PTPRN2: variants seen among roughly 807,000 people sequenced by gnomAD.
PTPRN2 encodes protein tyrosine phosphatase receptor type N2, also known as receptor-type tyrosine-protein phosphatase N2.
In PTPRN2, 74 loss-of-function variants were observed where a neutral mutation model predicts 118.8. That is an observed-to-expected ratio of 0.62 (90% CI 0.52 to 0.76). The LOEUF is 0.76. PTPRN2 is among the 30% of genes least tolerant of loss of function. PTPRN2 has a pLI of 0.00. For missense variants in PTPRN2, 1,481 were observed against 1,394.4 expected, an observed-to-expected ratio of 1.06 and a Z score of -0.99; for synonymous variants, 641 against 608.0, an observed-to-expected ratio of 1.05 and a Z score of -0.80.
At chr7:158,229,949 C>A (rs1554586057) in intron 3 of PTPRN2, among the ~76,000 whole-genome samples, 1 of 151,062 alleles carries the variant, frequency 6.6e-6, no homozygotes, top group Non-Finnish European at 1.5e-5. Context: ...ATATAATAAT[C>A]AAACTCTCAA....
At chr7:157,994,209 G>A (rs535899728) in intron 11 of PTPRN2, among the ~76,000 whole-genome samples, 13 of 152,196 alleles carry the variant, frequency 8.5e-5, no homozygotes, top group Non-Finnish European at 1.8e-4. Flanking sequence ...ATGCAGGTCA[G>A]GGCAGGTGAC....
chr7:158,575,414 T>A (rs1281358027), intron 1 of PTPRN2, among the ~76,000 whole-genome samples: 1 of 152,226 alleles, frequency 6.6e-6, no homozygotes, highest in African/African-American at 2.4e-5. Context: ...CCCCATAAGA[T>A]GGGTTTTACT....
At chr7:158,114,647 G>A (rs1441851894) in intron 9 of PTPRN2, among the ~76,000 whole-genome samples, 3 of 152,154 alleles carry the variant, frequency 2.0e-5, no homozygotes, top group Non-Finnish European at 4.4e-5. Flanking sequence ...AGGAACAACG[G>A]TAAAGAATAT....
Position 157,682,616 on chromosome 7 carries a change from G to A in PTPRN2, c.2001+109C>T, listed in dbSNP as rs181455282. The A allele has an allele frequency of 8.8e-5, 102 of 1,164,522 alleles. 1 individual carries two copies. In the African/African-American group the frequency reaches 1.2e-3, roughly 13 times the overall value. The allele number at this position is 1,164,522 out of a possible 1,614,324, so 72.1% of individuals were successfully genotyped here. On this transcript the variant is annotated intron_variant, in intron 13 of 22. Coordinates refer to ENST00000389418, the MANE Select transcript of PTPRN2 (RefSeq NM_002847.5). The stretch of plus-strand genomic sequence containing the variant: ...GTCCTCATAAAAGACCCCAAACTAT[G>A]ATACAGGAACAACTGCTGGGAATGG...
chr7:157,693,482 T>G (rs1430690796), intron 12 of PTPRN2, among the ~76,000 whole-genome samples: 1 of 152,094 alleles, frequency 6.6e-6, no homozygotes, highest in African/African-American at 2.4e-5. Flanking sequence ...CATTGGGGCA[T>G]CCTGCCCTCG....
rs976376097 is a variant in PTPRN2 at position 158,570,443 on chromosome 7, T to G, written c.112+17115A>C. Among the ~76,000 whole-genome samples the G allele has an allele frequency of 2.6e-5, 4 of 152,066 alleles. No individual in the cohort carries two copies. The highest frequency in any genetic ancestry group is 9.7e-5 in the African/African-American group (4 of 41,414). On this transcript the variant is annotated intron_variant, in intron 1 of 22. Transcript: ENST00000389418. This position sits in a 1 kb window ranked among gnomAD's most constrained non-coding sequence, Gnocchi z 4.5. The stretch of plus-strand genomic sequence containing the variant: ...CTCCAGCACCCTCTCCCACCATCCA[T>G]CCTCACAGACGGACTCTGCACCGTG...
intron 2 of PTPRN2, among the ~76,000 whole-genome samples, chr7:158,384,425 C>T (rs565780249): frequency 1.1e-3 from 165 of 150,940 alleles, no homozygotes; most frequent in Non-Finnish European, 1.8e-3. Flanking sequence ...AGGTTTTTCC[C>T]GCTGATCTCA....
chr7:158,164,790 G>A (rs1224069902), intron 6 of PTPRN2, among the ~76,000 whole-genome samples: 2 of 152,208 alleles, frequency 1.3e-5, no homozygotes, highest in Non-Finnish European at 2.9e-5. Flanking sequence ...ACTAGAAGGA[G>A]TATAGAGGTG....
intron 3 of PTPRN2, among the ~76,000 whole-genome samples, chr7:158,261,166 G>A (rs1797373368): frequency 6.6e-6 from 1 of 152,160 alleles, no homozygotes; most frequent in Non-Finnish European, 1.5e-5. Context: ...CCAGGACATG[G>A]TGGAAGGTGG....
At chr7:158,215,805 G>A (rs1268899716) in intron 3 of PTPRN2, among the ~76,000 whole-genome samples, 1 of 152,118 alleles carries the variant, frequency 6.6e-6, no homozygotes, top group Non-Finnish European at 1.5e-5. Context: ...GAATCAGGGG[G>A]AAATAAAGAT....
intron 11 of PTPRN2, among the ~76,000 whole-genome samples, chr7:157,914,465 C>T (rs868095006): frequency 1.3e-4 from 20 of 152,250 alleles, no homozygotes; most frequent in East Asian, 3.9e-4. Flanking sequence ...ACTTATGAAT[C>T]GTAGGTAATA....
intron 21 of PTPRN2, among the ~76,000 whole-genome samples, chr7:157,556,086 A>T (rs1486157366): frequency 6.6e-6 from 1 of 152,040 alleles, no homozygotes; most frequent in Non-Finnish European, 1.5e-5. Flanking sequence ...GCAGAGCAAA[A>T]CTCGGCTCAA....
intron 2 of PTPRN2, among the ~76,000 whole-genome samples, chr7:158,378,321 G>A (rs140114438): frequency 0.067 from 10,251 of 152,188 alleles, 437 homozygotes; most frequent in African/African-American, 0.099. Flanking sequence ...TGCAAGCCCC[G>A]CCTGCTGCCC....
intron 2 of PTPRN2, among the ~76,000 whole-genome samples, chr7:158,484,425 T>C (rs1226750250): frequency 6.6e-6 from 1 of 152,226 alleles, no homozygotes; most frequent in Non-Finnish European, 1.5e-5. Context: ...TGCAATGGTG[T>C]GAACTCGGCT....
chr7:157,545,766 G>A (rs757281734), intron 22 of PTPRN2, among the ~76,000 whole-genome samples: 4 of 152,052 alleles, frequency 2.6e-5, no homozygotes, highest in Admixed American at 2.0e-4. Context: ...CAGGGCCTGC[G>A]GTCATCCTGG....
intron 2 of PTPRN2, among the ~76,000 whole-genome samples, chr7:158,388,337 C>A (rs552303100): frequency 1.6e-4 from 25 of 152,316 alleles, no homozygotes; most frequent in African/African-American, 4.6e-4. Context: ...CCATGAGGGC[C>A]AGTGCAGATG....
At chr7:157,593,965 C>T (rs773747397) in intron 17 of PTPRN2, among the ~76,000 whole-genome samples, 9 of 152,224 alleles carry the variant, frequency 5.9e-5, no homozygotes, top group Non-Finnish European at 1.3e-4. Flanking sequence ...TGTGAAGACA[C>T]AGGCAGACAC....
chr7:158,011,078 AAAGGTGTACAAATGACAGG>A (rs1422001706), intron 11 of PTPRN2, among the ~76,000 whole-genome samples: 2 of 152,244 alleles, frequency 1.3e-5, no homozygotes, highest in Admixed American at 6.5e-5. Context: ...CAAACACCAC[AAAGGTGTACAAATGACAGG>A]AAGGTGTGCA....
intron 12 of PTPRN2, among the ~76,000 whole-genome samples, chr7:157,704,339 T>C (rs1798222992): frequency 6.6e-6 from 1 of 152,234 alleles, no homozygotes; most frequent in Non-Finnish European, 1.5e-5. Context: ...TATTACCATC[T>C]TGACTCTAGG....
Sources: allele counts gnomAD v4.1 joint callset (sites outside exome capture counted in the v4.1 genomes callset), GRCh38; gene constraint gnomAD v4.1.1; non-coding constraint Gnocchi (gnomAD v3.1); transcripts MANE v1.5; gene names NCBI Gene and HGNC (gene_info 2026-07-23, HGNC 2026-07-21).